The following GRID1 variants were observed in gnomAD, a reference collection of about 807,000 sequenced individuals.
GRID1 encodes the protein glutamate ionotropic receptor delta type subunit 1.
GRID1 carries 28 observed loss-of-function variants against 98.0 expected under a neutral mutation model. The observed-to-expected ratio is 0.29, with a 90% CI of 0.21 to 0.39. The LOEUF is 0.39. Among genes scored for constraint, GRID1 ranks in the 10% least tolerant of loss-of-function variants. GRID1 has a pLI of 1.00. For synonymous variants in GRID1, 553 were observed against 538.5 expected (o/e 1.03, Z -0.37); for missense variants, 1,111 against 1,340.5 (o/e 0.83, Z 2.67).
intron 5 of GRID1, among the ~76,000 whole-genome samples, chr10:85,907,635 G>A (rs1841481299): frequency 1.3e-5 from 2 of 152,044 alleles, no homozygotes; most frequent in Admixed American, 6.6e-5. Context: ...AACTCTTTCA[G>A]AAACTGTAAA....
intron 5 of GRID1, among the ~76,000 whole-genome samples, chr10:85,893,096 A>G (rs1044705556): frequency 2.6e-5 from 4 of 152,138 alleles, no homozygotes; most frequent in Admixed American, 2.0e-4. Flanking sequence ...AAGTGAATCA[A>G]TTTAGTTCTC....
In GRID1 at chr10:86,342,135, G is replaced by A. The variant is rs532361781; in HGVS notation, c.235+21806C>T. 8.5e-5 allele frequency among the ~76,000 whole-genome samples: 13 copies of A among 152,258 alleles called. No individual in the cohort carries two copies. In the South Asian group the frequency reaches 2.7e-3, roughly 32 times the overall value. ...TTTTGCAGAGACTTCCCACACTGTT[G>A]AAGGACCCTCAGTCAGTGGGGGCTC... is the stretch of plus-strand genomic sequence containing the variant. On this transcript the variant is annotated intron_variant, in intron 2 of 15. Coordinates refer to ENST00000327946, the MANE Select transcript of GRID1 (RefSeq NM_017551.3).
intron 8 of GRID1, among the ~76,000 whole-genome samples, chr10:85,756,990 G>C (rs3011700): frequency 0.69 from 104,213 of 152,024 alleles, 35,966 homozygotes; most frequent in East Asian, 0.87. Flanking sequence ...CCTTTTGGAT[G>C]AAAATGTTCT....
At chr10:86,177,524 G>GGTGT (rs1266384046) in intron 3 of GRID1, among the ~76,000 whole-genome samples, 1 of 152,042 alleles carries the variant, frequency 6.6e-6, no homozygotes, top group South Asian at 2.1e-4. Flanking sequence ...CAGAGATTTT[G>GGTGT]GTGTGTGTGT....
chr10:86,092,044 G>A (rs180684902), intron 4 of GRID1, among the ~76,000 whole-genome samples: 308 of 152,182 alleles, frequency 2.0e-3, no homozygotes, highest in Non-Finnish European at 2.8e-3. Flanking sequence ...GGAACCAGAA[G>A]ACCAACCCTG....
intron 4 of GRID1, among the ~76,000 whole-genome samples, chr10:86,089,047 C>T (rs1291301249): frequency 6.6e-6 from 1 of 152,204 alleles, no homozygotes; most frequent in Admixed American, 6.5e-5. Flanking sequence ...ACCTCCCCAA[C>T]ACCAGCAAAG....
At chr10:86,364,747 C>T (rs533354976) in intron 1 of GRID1, among the ~76,000 whole-genome samples, 1 of 152,352 alleles carries the variant, frequency 6.6e-6, no homozygotes, top group African/African-American at 2.4e-5. Flanking sequence ...TCCTGTACGT[C>T]TGTCGAGGGG....
intron 8 of GRID1, among the ~76,000 whole-genome samples, chr10:85,803,291 T>C (rs1233149582): frequency 6.6e-6 from 1 of 152,126 alleles, no homozygotes; most frequent in Non-Finnish European, 1.5e-5. Flanking sequence ...ACATTCCCCA[T>C]GATGTAATTA....
chr10:85,833,088 C>T (rs927661058), intron 8 of GRID1, among the ~76,000 whole-genome samples: 6 of 152,204 alleles, frequency 3.9e-5, no homozygotes, highest in African/African-American at 2.4e-5. Flanking sequence ...GCAGGACCAG[C>T]AAGGGTGATT....
chr10:86,073,534 T>G (rs990865195), intron 4 of GRID1, among the ~76,000 whole-genome samples: 1 of 152,190 alleles, frequency 6.6e-6, no homozygotes, highest in African/African-American at 2.4e-5. Flanking sequence ...TTGCTAGTGA[T>G]GATGTTTTCT....
intron 4 of GRID1, among the ~76,000 whole-genome samples, chr10:86,049,150 T>C (rs906189131): frequency 2.0e-4 from 30 of 152,294 alleles, no homozygotes; most frequent in South Asian, 1.2e-3. Context: ...AGAAGTGAAC[T>C]CATGTATTGA....
chr10:85,877,984 A>G (rs561056678), intron 5 of GRID1, among the ~76,000 whole-genome samples: 2 of 152,374 alleles, frequency 1.3e-5, no homozygotes, highest in South Asian at 2.1e-4. Context: ...CAGAAGCCTC[A>G]GGAGCCGATG....
At chr10:85,694,150 C>G (rs934853508) in intron 12 of GRID1, among the ~76,000 whole-genome samples, 8 of 151,846 alleles carry the variant, frequency 5.3e-5, no homozygotes, top group Admixed American at 4.6e-4. Flanking sequence ...GGAAACATAC[C>G]AACGATCAAC....
intron 4 of GRID1, among the ~76,000 whole-genome samples, chr10:85,982,873 C>T (rs1484213321): frequency 6.6e-6 from 1 of 152,170 alleles, no homozygotes; most frequent in African/African-American, 2.4e-5. Context: ...GCAAGGGCAA[C>T]CCACAGGCAA....
chr10:86,072,926 C>A (rs914071091), intron 4 of GRID1, among the ~76,000 whole-genome samples: 1 of 152,228 alleles, frequency 6.6e-6, no homozygotes, highest in Non-Finnish European at 1.5e-5. Context: ...GTTATGTCAT[C>A]TACCCAATGC....
chr10:86,166,575 T>C (rs1845401881), intron 3 of GRID1, among the ~76,000 whole-genome samples: 1 of 152,188 alleles, frequency 6.6e-6, no homozygotes, highest in South Asian at 2.1e-4. Flanking sequence ...ACAATGAGGT[T>C]CTGAGAGGAT....
chr10:85,867,473 G>A (rs1039579036), intron 6 of GRID1, among the ~76,000 whole-genome samples: 3 of 152,168 alleles, frequency 2.0e-5, no homozygotes, highest in African/African-American at 7.2e-5. Flanking sequence ...CCGCTGCACT[G>A]GGTGGGAATG....
intron 8 of GRID1, among the ~76,000 whole-genome samples, chr10:85,838,122 A>C (rs1842927319): frequency 6.6e-6 from 1 of 152,186 alleles, no homozygotes; most frequent in Non-Finnish European, 1.5e-5. Context: ...AAAATGAATA[A>C]AAAGAAATGA....
intron 3 of GRID1, among the ~76,000 whole-genome samples, chr10:86,169,032 C>G (rs1468467204): frequency 6.6e-6 from 1 of 152,192 alleles, no homozygotes; most frequent in East Asian, 1.9e-4. Flanking sequence ...AATGCCGGTG[C>G]AGAAAGGCTG....
Sources: gnomAD v4.1 joint callset for allele counts (sites outside exome capture counted in the v4.1 genomes callset) on GRCh38, gnomAD v4.1.1 for gene constraint, MANE v1.5 for transcripts, NCBI Gene and HGNC (gene_info 2026-07-23, HGNC 2026-07-21) for gene names.